DTNB: variants seen among roughly 807,000 people sequenced by gnomAD.
The protein encoded by DTNB is dystrobrevin beta, also known as DTN-B.
In DTNB, 63 loss-of-function variants were observed where a neutral mutation model predicts 90.7. The observed-to-expected ratio is 0.69, with a 90% CI of 0.57 to 0.86. The LOEUF is 0.86. Ranked by LOEUF, DTNB falls within the 40% of genes least tolerant of loss-of-function variation. DTNB has a pLI of 0.00. For missense variants in DTNB, 744 were observed against 807.1 expected (o/e 0.92, Z 0.95); for synonymous variants, 277 against 286.7 (o/e 0.97, Z 0.34).
chr2:25,578,537 A>G (rs561348054), intron 7 of DTNB, among the ~76,000 whole-genome samples: 4 of 152,336 alleles, frequency 2.6e-5, no homozygotes, highest in Admixed American at 6.5e-5. Flanking sequence ...GGTTGAACAT[A>G]TATGTCTATG....
intron 16 of DTNB, among the ~76,000 whole-genome samples, chr2:25,409,885 C>T (rs903052066): frequency 6.6e-6 from 1 of 152,128 alleles, no homozygotes; most frequent in Non-Finnish European, 1.5e-5. Flanking sequence ...ATTTCAGTTG[C>T]GCATGTCCAA....
At chr2:25,599,037 A>T (rs1325628349) in intron 5 of DTNB, 2 of 151,928 alleles carry the variant, frequency 1.3e-5, no homozygotes, top group African/African-American at 4.8e-5. Context: ...AATGAATAAA[A>T]GAAAAAGAAT....
intron 6 of DTNB, among the ~76,000 whole-genome samples, chr2:25,583,824 G>GA (rs934726177): frequency 6.8e-6 from 1 of 146,054 alleles, no homozygotes; most frequent in Non-Finnish European, 1.5e-5. Flanking sequence ...CAATCATGGA[G>GA]TTTTTTTTTT....
chr2:25,614,215 G>T (rs1342254748), intron 4 of DTNB, among the ~76,000 whole-genome samples: 1 of 152,080 alleles, frequency 6.6e-6, no homozygotes, highest in African/African-American at 2.4e-5. Context: ...AATAATCATG[G>T]TGACCATCAT....
chr2:25,501,300 G>A lies in DTNB; in HGVS notation c.1002-18427C>T, dbSNP rs576841981. Among the ~76,000 whole-genome samples the A allele has an allele frequency of 9.9e-5, 15 of 151,722 alleles. No homozygotes were observed. The East Asian group carries it at 2.9e-3, about 30-fold the overall frequency. On this transcript the variant is annotated intron_variant, in intron 9 of 20. Transcript: ENST00000406818. The stretch of plus-strand genomic sequence containing the variant: ...GGATCATAGCTGCCACTGCAACCTC[G>A]AACTCCTCAGCTCAAAGGATCCTCC...
intron 9 of DTNB, among the ~76,000 whole-genome samples, chr2:25,487,030 T>C (rs1015454509): frequency 1.4e-4 from 22 of 152,338 alleles, no homozygotes; most frequent in African/African-American, 4.3e-4. Flanking sequence ...ATGATATAGG[T>C]AGAAAGTATC....
intron 3 of DTNB, among the ~76,000 whole-genome samples, chr2:25,631,497 C>T (rs764426921): frequency 8.0e-5 from 12 of 150,718 alleles, no homozygotes; most frequent in Non-Finnish European, 1.3e-4. Context: ...TGCCTAAGCC[C>T]AGGAGTTGAA....
At chr2:25,434,930 G>A (rs1165071257) in intron 12 of DTNB, among the ~76,000 whole-genome samples, 1 of 151,832 alleles carries the variant, frequency 6.6e-6, no homozygotes, top group Admixed American at 6.6e-5. Flanking sequence ...AACCATCCTA[G>A]TAGGTATCAA....
intron 16 of DTNB, among the ~76,000 whole-genome samples, chr2:25,416,792 GGAAGGAAGGAAC>G (rs755397310): frequency 0.029 from 3,886 of 134,872 alleles, 87 homozygotes; most frequent in Non-Finnish European, 0.04. Context: ...CTGGAAGGAA[GGAAGGAAGGAAC>G]GAAGGAAGGA....
chr2:25,600,128 A>G (rs867055669), intron 5 of DTNB, among the ~76,000 whole-genome samples: 19 of 152,206 alleles, frequency 1.2e-4, no homozygotes, highest in African/African-American at 4.6e-4. Context: ...TAGTCTTACA[A>G]GGAGGAAAAT....
intron 11 of DTNB, among the ~76,000 whole-genome samples, chr2:25,452,708 T>C (rs976557874): frequency 1.3e-5 from 2 of 152,130 alleles, no homozygotes; most frequent in African/African-American, 4.8e-5. Flanking sequence ...TCTGAACTTT[T>C]CATGTGTAGA....
At chr2:25,457,833 AATT>A (rs1355924012) in intron 10 of DTNB, among the ~76,000 whole-genome samples, 1 of 151,912 alleles carries the variant, frequency 6.6e-6, no homozygotes, top group Non-Finnish European at 1.5e-5. Flanking sequence ...GCATGATGTT[AATT>A]ATTATTATTA....
intron 10 of DTNB, among the ~76,000 whole-genome samples, chr2:25,477,285 A>T (rs507559): frequency 0.98 from 149,911 of 152,310 alleles, 73,819 homozygotes; most frequent in East Asian, 1. Context: ...ATTACAATAT[A>T]CACTTTATTG....
intron 16 of DTNB, among the ~76,000 whole-genome samples, chr2:25,405,311 C>T (rs1037450076): frequency 2.6e-5 from 4 of 152,078 alleles, no homozygotes; most frequent in African/African-American, 7.2e-5. Context: ...GAGGCTGAGG[C>T]GGGCAGATCA....
intron 4 of DTNB, among the ~76,000 whole-genome samples, chr2:25,608,018 C>T (rs1376580201): frequency 4.6e-5 from 7 of 152,116 alleles, no homozygotes; most frequent in Non-Finnish European, 5.9e-5. Flanking sequence ...ACAATATCAC[C>T]GAGGCCCCTG....
At chr2:25,383,925 C>T (rs375553958) in intron 18 of DTNB, 36 bp from the exon 19 acceptor site, 45 of 1,613,836 alleles carry the variant, frequency 2.8e-5, no homozygotes, top group Middle Eastern at 3.3e-4. Flanking sequence ...AGTGACCCTT[C>T]GGCACAGGAC....
rs79070992 is a variant in DTNB, at chr2:25,565,961, T to A, written c.876+10877A>T. On this transcript the variant is annotated intron_variant, in intron 8 of 20. Transcript: ENST00000406818. ...TTCAGCGAACCCTGTCCTTGTATGA[T>A]CTCTTCCCCTTTGAGTGTGGGTGGA... 7.0e-3 allele frequency among the ~76,000 whole-genome samples: 1,070 copies of A among 152,264 alleles called. 15 individuals are homozygous for A. The highest frequency in any genetic ancestry group is 0.025 in the African/African-American group (1,026 of 41,556).
At chr2:25,635,282 T>C (rs1296020133) in intron 3 of DTNB, among the ~76,000 whole-genome samples, 1 of 151,818 alleles carries the variant, frequency 6.6e-6, no homozygotes, top group African/African-American at 2.4e-5. Flanking sequence ...AATACAAAAG[T>C]TAGCTGGGTA....
intron 10 of DTNB, among the ~76,000 whole-genome samples, chr2:25,479,350 A>C (rs1459410630): frequency 1.3e-5 from 2 of 152,208 alleles, no homozygotes; most frequent in African/African-American, 4.8e-5. Flanking sequence ...TTGGGGAAAA[A>C]GAGGTCTAGA....
Sources: allele counts gnomAD v4.1 joint callset (sites outside exome capture counted in the v4.1 genomes callset), GRCh38; gene constraint gnomAD v4.1.1; transcripts MANE v1.5; gene names NCBI Gene and HGNC (gene_info 2026-07-23, HGNC 2026-07-21).